Variants in CHD1L observed in about 807,000 individuals in gnomAD.
The protein encoded by CHD1L is ATP-dependent chromatin remodeler CHD1L.
In CHD1L, 118 loss-of-function variants were observed where a neutral mutation model predicts 115.9. The observed-to-expected ratio is 1.02, with a 90% CI of 0.88 to 1.19. The LOEUF is 1.19. CHD1L is among the 50% of genes most tolerant of loss of function. The pLI is 0.00. For missense variants in CHD1L, 1,179 were observed against 1,065.3 expected, an observed-to-expected ratio of 1.11 and a Z score of -1.49; for synonymous variants, 411 against 387.1, an observed-to-expected ratio of 1.06 and a Z score of -0.72.
At chr1:147,266,572 C>T (rs587658702) in intron 8 of CHD1L, among the ~76,000 whole-genome samples, 20 of 152,354 alleles carry the variant, frequency 1.3e-4, no homozygotes, top group East Asian at 3.9e-4. Flanking sequence ...TTTTGTTCTG[C>T]GTATCCACGC....
In CHD1L at chr1:147,256,510, C is replaced by T. The variant is rs782134737; in HGVS notation, c.463-21C>T. The T allele has an allele frequency of 5.7e-5, 92 of 1,609,410 alleles. 2 individuals are homozygous for T. The highest frequency in any genetic ancestry group is 3.3e-4 in the Middle Eastern group (2 of 6,058). ...AGTTTATCAATGCCAGCCTTTATAA[C>T]GTGTCTTCCTAATTTTTCAGATTTG... On this transcript the variant is annotated intron_variant, in intron 4 of 22. Coordinates refer to ENST00000369258, the MANE Select transcript of CHD1L (RefSeq NM_004284.6).
the CHD1L span, among the ~76,000 whole-genome samples, chr1:147,183,778 C>T: frequency 6.6e-6 from 1 of 152,142 alleles, no homozygotes. Context: ...ACTTGGCACT[C>T]TTAGAAATTC....
chr1:147,218,220 A>G, the CHD1L span, among the ~76,000 whole-genome samples: 1 of 148,428 alleles, frequency 6.7e-6, no homozygotes, highest in Non-Finnish European at 1.5e-5. Context: ...GGTTTAGTAA[A>G]TTATAGTATC....
chr1:147,212,336 C>T, the CHD1L span: 14 of 1,581,216 alleles, frequency 8.9e-6, no homozygotes, highest in African/African-American at 1.3e-4. Context: ...CTGCAGCTTC[C>T]TTGGAGAAAC....
At chr1:147,199,868 T>C in the CHD1L span, among the ~76,000 whole-genome samples, 1 of 152,184 alleles carries the variant, frequency 6.6e-6, no homozygotes. Flanking sequence ...AGATTTTCAC[T>C]AGTGAAAACA....
At chr1:147,231,328 C>T in the CHD1L span, among the ~76,000 whole-genome samples, 8 of 152,018 alleles carry the variant, frequency 5.3e-5, no homozygotes, top group African/African-American at 1.9e-4. Flanking sequence ...TGAGTGAGTT[C>T]CTTAATCCTG....
chr1:147,286,614 CAAAA>C, intron 18 of CHD1L, 114 bp downstream of exon 18: 2 of 848,414 alleles, frequency 2.4e-6, no homozygotes, highest in Non-Finnish European at 3.7e-6. Context: ...ATTGTACAGT[CAAAA>C]AAGTGTGAAT....
At chr1:147,285,560 T>A in intron 17 of CHD1L, 73 bp downstream of exon 17, 1 of 1,425,122 alleles carries the variant, frequency 7.0e-7, no homozygotes, top group East Asian at 2.4e-5. Flanking sequence ...CACAGTTGAA[T>A]ATCACTTTAA....
upstream of CHD1L, chr1:147,242,536 G>C (rs587675799): frequency 3.1e-6 from 2 of 651,306 alleles, no homozygotes; most frequent in East Asian, 7.0e-5. Context: ...CTGCCTGTCC[G>C]GAAGGGTGAC....
the CHD1L span, chr1:147,203,970 G>A: frequency 0.037 from 45,093 of 1,224,142 alleles, 961 homozygotes; most frequent in African/African-American, 0.071. Flanking sequence ...CAGAGTCTTC[G>A]GACATCCCAT....
chr1:147,195,288 C>T, the CHD1L span, among the ~76,000 whole-genome samples: 1 of 151,844 alleles, frequency 6.6e-6, no homozygotes, highest in African/African-American at 2.4e-5. Context: ...CCTACCAAAC[C>T]CAAATAATTT....
chr1:147,295,216 T>C (rs1276844998), intron 22 of CHD1L, among the ~76,000 whole-genome samples: 1 of 152,240 alleles, frequency 6.6e-6, no homozygotes, highest in African/African-American at 2.4e-5. Context: ...CCAGCTTTTA[T>C]GTGCTTGCAC....
chr1:147,285,980 A>G (rs995652118), intron 17 of CHD1L, among the ~76,000 whole-genome samples: 2 of 152,142 alleles, frequency 1.3e-5, no homozygotes, highest in Non-Finnish European at 1.5e-5. Context: ...TACAGGCGTG[A>G]GCTACCATGC....
the CHD1L span, chr1:147,212,641 C>G: frequency 1.9e-6 from 2 of 1,042,596 alleles, no homozygotes; most frequent in African/African-American, 3.2e-5. Context: ...ATATATTCTC[C>G]AAGTGTTCTC....
At chr1:147,198,872 A>AAAAAAAAAAAAAAAG in the CHD1L span, among the ~76,000 whole-genome samples, 2 of 144,684 alleles carry the variant, frequency 1.4e-5, no homozygotes, top group African/African-American at 2.6e-5. Context: ...AAAAAAAAAA[A>AAAAAAAAAAAAAAAG]AAAGAAAGAA....
chr1:147,281,832 G>A (rs977331117), intron 15 of CHD1L, among the ~76,000 whole-genome samples: 3 of 151,838 alleles, frequency 2.0e-5, no homozygotes, highest in African/African-American at 7.3e-5. Context: ...GAAATTGGCA[G>A]ATAAAATTGT....
At chr1:147,268,621 T>C (rs587607925) in intron 9 of CHD1L, among the ~76,000 whole-genome samples, 161 bp from the exon 10 acceptor site, 1 of 152,334 alleles carries the variant, frequency 6.6e-6, no homozygotes, top group South Asian at 2.1e-4. Context: ...ATTAGGCTTG[T>C]TGGATGTGCT....
chr1:147,198,850 CAAAAAAAAAAAA>C, the CHD1L span, among the ~76,000 whole-genome samples: 3 of 51,764 alleles, frequency 5.8e-5, no homozygotes, highest in Non-Finnish European at 7.3e-5. Flanking sequence ...GACTGCATCT[CAAAAAAAAAAAA>C]AAAAAAAAAA....
At chr1:147,285,275 CG>C in intron 16 of CHD1L, 48 bp from the exon 17 acceptor site, 6 of 1,577,272 alleles carry the variant, frequency 3.8e-6, no homozygotes, top group Non-Finnish European at 5.2e-6. Flanking sequence ...TAATGAAATT[CG>C]GGGAGGAATC....
Sources: gnomAD v4.1 joint callset for allele counts (sites outside exome capture counted in the v4.1 genomes callset) on GRCh38, gnomAD v4.1.1 for gene constraint, MANE v1.5 for transcripts, NCBI Gene and HGNC (gene_info 2026-07-23, HGNC 2026-07-21) for gene names.